The following AKAP10 variants were observed in gnomAD, a reference collection of about 807,000 sequenced individuals.
The protein encoded by AKAP10 is A-kinase anchor protein 10, mitochondrial.
In AKAP10, 24 loss-of-function variants were observed where a neutral mutation model predicts 80.8. That is an observed-to-expected ratio of 0.30 (90% CI 0.22 to 0.42). AKAP10 has a LOEUF of 0.42. AKAP10 is among the 10% of genes least tolerant of loss of function. The probability of loss-of-function intolerance (pLI) is 1.00; values close to 1 mark genes in which losing one functional copy is unlikely to be tolerated. For missense variants in AKAP10, 661 were observed against 794.9 expected (o/e 0.83, Z 2.03); for synonymous variants, 291 against 277.7 (o/e 1.05, Z -0.48).
intron 5 of AKAP10, among the ~76,000 whole-genome samples, chr17:19,945,366 A>C (rs2043092543): frequency 6.6e-6 from 1 of 152,222 alleles, no homozygotes; most frequent in Non-Finnish European, 1.5e-5. Flanking sequence ...CAATTCTTCA[A>C]ACAGGCAAAC....
At chr17:19,957,947 T>A in intron 4 of AKAP10, 67 bp downstream of exon 4, 31 of 1,440,558 alleles carry the variant, frequency 2.2e-5, no homozygotes, top group Non-Finnish European at 2.9e-5. Context: ...TCATCTGAAG[T>A]TCTGCTTAGT....
At chr17:19,946,237 T>TAATA (rs1491288818) in intron 5 of AKAP10, among the ~76,000 whole-genome samples, 2 of 15,182 alleles carry the variant, frequency 1.3e-4, no homozygotes, top group East Asian at 2.9e-3. Context: ...TATATATATA[T>TAATA]TATATATATA....
At chr17:19,968,505 G>T (rs1162956385) in intron 1 of AKAP10, 44 bp from the exon 2 acceptor site, 2 of 1,499,986 alleles carry the variant, frequency 1.3e-6, no homozygotes, top group Non-Finnish European at 1.9e-6. Context: ...TGCAGTCAGA[G>T]ATCCATTCTA....
At chr17:19,943,081 G>T (rs758386329) in intron 5 of AKAP10, among the ~76,000 whole-genome samples, 4 of 152,058 alleles carry the variant, frequency 2.6e-5, no homozygotes, top group Admixed American at 6.6e-5. Flanking sequence ...TTGTAAGGGG[G>T]TCTCACTATG....
In AKAP10 at chr17:19,968,448, T is replaced by A; in HGVS notation, c.102A>T (p.Glu34Asp). The A allele has an allele frequency of 6.2e-7, 1 of 1,613,866 alleles. No homozygotes were observed. The highest frequency in any genetic ancestry group is 8.5e-7 in the Non-Finnish European group (1 of 1,179,842). Residue 34 changes from glutamate (E) to aspartate (D), a missense_variant, in exon 2 of 15, where the codon GAA becomes GAT. Physicochemically the swap from Glu to Asp is conservative, Grantham distance 45. Transcript: ENST00000225737. The stretch of plus-strand genomic sequence containing the variant: ...ACTTCACATCTGAGGTCTTCTCTTG[T>A]TCTTTGCCTTTCACTAGAACATAAA... ...SFFRRKVKGK[E>D]QEKTSDVKSI... is the part of the protein sequence containing the mutation.
At chr17:19,975,454 C>G (rs1028075148) in intron 1 of AKAP10, among the ~76,000 whole-genome samples, 1 of 152,160 alleles carries the variant, frequency 6.6e-6, no homozygotes, top group African/African-American at 2.4e-5. Flanking sequence ...TGCCTCCTGG[C>G]CTTTGAACAT....
At chr17:19,929,997 A>C (rs999668813) in intron 10 of AKAP10, among the ~76,000 whole-genome samples, 2 of 134,486 alleles carry the variant, frequency 1.5e-5, no homozygotes, top group Non-Finnish European at 3.2e-5. Flanking sequence ...AACAACAAAA[A>C]CCAAAAAAAA....
At chr17:19,917,182 G>A (rs1447661064) in intron 12 of AKAP10, among the ~76,000 whole-genome samples, 1 of 146,462 alleles carries the variant, frequency 6.8e-6, no homozygotes, top group Non-Finnish European at 1.5e-5. Flanking sequence ...GGAGAATGGT[G>A]TGAACCTGGG....
chr17:19,975,562 T>C (rs1319713238), intron 1 of AKAP10, among the ~76,000 whole-genome samples: 2 of 152,172 alleles, frequency 1.3e-5, no homozygotes, highest in Non-Finnish European at 2.9e-5. Context: ...AAAATGCATT[T>C]CTCCTCTTAA....
chr17:19,960,360 C>T (rs59890010), intron 3 of AKAP10, among the ~76,000 whole-genome samples: 17,831 of 152,200 alleles, frequency 0.12, 1,047 homozygotes, highest in Admixed American at 0.13. Context: ...CCCCTCTCAC[C>T]TCCCTGTCTC....
At chr17:19,939,664 T>C (rs1417845631) in intron 8 of AKAP10, 49 bp downstream of exon 8, 5 of 1,579,482 alleles carry the variant, frequency 3.2e-6, no homozygotes, top group Admixed American at 3.5e-5. Flanking sequence ...ACAAAACATA[T>C]CAAATGTTCA....
At chr17:19,920,617 C>T (rs1157933100) in intron 11 of AKAP10, among the ~76,000 whole-genome samples, 2 of 151,902 alleles carry the variant, frequency 1.3e-5, no homozygotes, top group Non-Finnish European at 2.9e-5. Flanking sequence ...CCGAGGCAGG[C>T]GGATCACTTG....
rs749889990 is a variant in AKAP10, at chr17:19,906,202, G to T, written c.*25C>A. 19 of 1,604,970 alleles carry T rather than the reference G, an allele frequency of 1.2e-5. No individual in the cohort carries two copies. Among genetic ancestry groups the T allele is most frequent in the Non-Finnish European group, 1.6e-5 (19 of 1,175,058 alleles). On this transcript the variant is annotated 3_prime_UTR_variant, in exon 15 of 15. Transcript: ENST00000225737. Reference sequence around the variant, plus strand: ...AAAGTTCTCTTATTTTTCACAAGCAGATTTCCTTTATCTCAAGTTTTGAGT... The same window carrying T: ...AAAGTTCTCTTATTTTTCACAAGCATATTTCCTTTATCTCAAGTTTTGAGT...
intron 4 of AKAP10, among the ~76,000 whole-genome samples, chr17:19,955,942 T>A (rs923880821): frequency 6.6e-6 from 1 of 152,110 alleles, no homozygotes; most frequent in Non-Finnish European, 1.5e-5. Flanking sequence ...AAAAGGTGAG[T>A]TTGTGTTAAA....
rs1285658688 is a variant in AKAP10 at position 19,905,477 on chromosome 17, G to A, written c.*750C>T. The A allele has an allele frequency of 3.3e-5, 5 of 152,350 alleles. No homozygotes were observed. The highest frequency in any genetic ancestry group is 5.9e-5 in the Non-Finnish European group (4 of 68,034). The allele number at this position is 152,350 out of a possible 1,614,324, so 9.4% of individuals were successfully genotyped here. ...GAAGGGAAAGTTAAGTAACTGGAGT[G>A]CAGAATTCCAAAGGGGCAAATCCTA... is the stretch of plus-strand genomic sequence containing the variant. On this transcript the variant is annotated 3_prime_UTR_variant, in exon 15 of 15. Coordinates refer to ENST00000225737, the MANE Select transcript of AKAP10 (RefSeq NM_007202.4).
chr17:19,975,812 CT>C (rs2043558265), intron 1 of AKAP10, among the ~76,000 whole-genome samples: 2 of 152,116 alleles, frequency 1.3e-5, no homozygotes, highest in African/African-American at 4.8e-5. Flanking sequence ...ACAACAGTCT[CT>C]TGTGCAATAT....
At chr17:19,963,211 CTTTTTTTT>C (rs35363359) in intron 2 of AKAP10, among the ~76,000 whole-genome samples, 189 bp from the exon 3 acceptor site, 40 of 119,576 alleles carry the variant, frequency 3.3e-4, no homozygotes, top group Admixed American at 1.6e-3. Context: ...AGAAAACACT[CTTTTTTTT>C]TTTTTTTTTT....
Position 19,936,341 on chromosome 17 carries a change from G to A in AKAP10, c.1412C>T (p.Pro471Leu), listed in dbSNP as rs992720674. ...IESNICREGG[P>L]LPNCFTTPLR... is the part of the protein sequence containing the mutation. Reference sequence around the variant, plus strand: ...TGGAGTTGTGAAACAGTTGGGGAGTGGCCCACCTTCCCTGCAGATATTGGA... The same window carrying A: ...TGGAGTTGTGAAACAGTTGGGGAGTAGCCCACCTTCCCTGCAGATATTGGA... Residue 471 changes from proline to leucine, a missense_variant, in exon 9 of 15, where the codon CCA becomes CTA. Pro to Leu is a moderately conservative substitution (Grantham distance 98, BLOSUM62 -3). Coordinates refer to ENST00000225737, the MANE Select transcript of AKAP10 (RefSeq NM_007202.4). The A allele has an allele frequency of 6.2e-7, 1 of 1,613,848 alleles. No individual in the cohort carries two copies. The highest frequency in any genetic ancestry group is 8.5e-7 in the Non-Finnish European group (1 of 1,179,842).
intron 3 of AKAP10, among the ~76,000 whole-genome samples, chr17:19,961,499 T>C (rs1340532282): frequency 6.6e-6 from 1 of 152,234 alleles, no homozygotes; most frequent in African/African-American, 2.4e-5. Flanking sequence ...CTATGTATTA[T>C]TGCTAAGTGT....
Sources: gnomAD v4.1 joint callset for allele counts (sites outside exome capture counted in the v4.1 genomes callset) on GRCh38, gnomAD v4.1.1 for gene constraint, MANE v1.5 for transcripts, NCBI Gene and HGNC (gene_info 2026-07-23, HGNC 2026-07-21) for gene names.